The following RBFOX1 variants were observed in gnomAD, a reference collection of about 807,000 sequenced individuals.
RBFOX1 encodes the protein RNA binding fox-1 homolog 1.
RBFOX1 carries 8 observed loss-of-function variants against 57.7 expected under a neutral mutation model. That is an observed-to-expected ratio of 0.14 (90% confidence interval 0.08 to 0.25). RBFOX1 has a LOEUF of 0.25. Ranked by LOEUF, RBFOX1 falls within the 10% of genes least tolerant of loss-of-function variation. The pLI is 1.00. For synonymous variants in RBFOX1, 326 were observed against 222.4 expected, an observed-to-expected ratio of 1.47 and a Z score of -4.15; for missense variants, 611 against 548.5, an observed-to-expected ratio of 1.11 and a Z score of -1.14.
chr16:5,544,419 TAGAA>T (rs1354473591), intron 2 of RBFOX1, among the ~76,000 whole-genome samples: 1 of 152,180 alleles, frequency 6.6e-6, no homozygotes, highest in South Asian at 2.1e-4. Context: ...GGGATACTGT[TAGAA>T]AGGGAAATGT....
At chr16:7,099,610 C>G (rs1005337971) in intron 4 of RBFOX1, among the ~76,000 whole-genome samples, 5 of 152,092 alleles carry the variant, frequency 3.3e-5, no homozygotes, top group Non-Finnish European at 4.4e-5. Flanking sequence ...GTCCTGAGGA[C>G]ACGTGCCCAA....
At chr16:5,266,747 G>C (rs1000740776) in intron 1 of RBFOX1, among the ~76,000 whole-genome samples, 5 of 151,648 alleles carry the variant, frequency 3.3e-5, no homozygotes, top group Admixed American at 6.6e-5. Flanking sequence ...TGCAGAGAGG[G>C]GGGGTCTCAC....
chr16:6,407,361 C>G (rs1315046264), intron 2 of RBFOX1, among the ~76,000 whole-genome samples: 1 of 151,666 alleles, frequency 6.6e-6, no homozygotes, highest in East Asian at 1.9e-4. Flanking sequence ...ATGTATATAT[C>G]TATATCTATA....
At chr16:7,144,574 G>A (rs937559258) in intron 4 of RBFOX1, among the ~76,000 whole-genome samples, 1 of 151,760 alleles carries the variant, frequency 6.6e-6, no homozygotes, top group African/African-American at 2.4e-5. Flanking sequence ...ACATGCATGA[G>A]CTACTGCGCC....
chr16:7,683,198 T>G (rs2075303576), intron 14 of RBFOX1, among the ~76,000 whole-genome samples: 1 of 148,390 alleles, frequency 6.7e-6, no homozygotes, highest in Non-Finnish European at 1.5e-5. Context: ...CTTTTGATAG[T>G]AGAGTCACCG....
At chr16:7,244,987 C>A (rs577900900) in intron 4 of RBFOX1, among the ~76,000 whole-genome samples, 3 of 152,272 alleles carry the variant, frequency 2.0e-5, no homozygotes, top group Non-Finnish European at 4.4e-5. Flanking sequence ...TCATGCCTGC[C>A]TTCACAGTGC....
In RBFOX1 at chr16:7,659,132, T is replaced by C. The variant is rs549242393; in HGVS notation, c.890+5185T>C. 6.6e-5 allele frequency among the ~76,000 whole-genome samples: 10 copies of C among 152,358 alleles called. No homozygotes were observed. In the South Asian group the frequency reaches 1.9e-3, roughly 28 times the overall value. ...AGATTTTCTGCCCTTTCTCAGGTAA[T>C]TGTCATACATCTGTGTAAACTTCCC... On this transcript the variant is annotated intron_variant, in intron 12 of 15. Transcript: ENST00000550418.
At chr16:6,371,640 A>G (rs1158469177) in intron 2 of RBFOX1, among the ~76,000 whole-genome samples, 1 of 152,160 alleles carries the variant, frequency 6.6e-6, no homozygotes, top group Non-Finnish European at 1.5e-5. Flanking sequence ...TTTTCCACAG[A>G]GTAATCCTTC....
intron 1 of RBFOX1, among the ~76,000 whole-genome samples, chr16:5,273,701 G>C (rs1567265164): frequency 6.6e-6 from 1 of 152,048 alleles, no homozygotes; most frequent in Non-Finnish European, 1.5e-5. Context: ...GAGGGTCCCT[G>C]GGGCTGAGTC....
intron 2 of RBFOX1, among the ~76,000 whole-genome samples, chr16:5,497,502 C>T (rs7197296): frequency 0.23 from 35,577 of 151,754 alleles, 7,006 homozygotes; most frequent in African/African-American, 0.54. Context: ...TGGCCAGGCA[C>T]GGTGGCTCAT....
chr16:6,247,646 A>G (rs533621905), intron 1 of RBFOX1, among the ~76,000 whole-genome samples: 2 of 152,276 alleles, frequency 1.3e-5, no homozygotes, highest in African/African-American at 4.8e-5. Flanking sequence ...TCTGTATCAG[A>G]GATACAAACA....
At chr16:7,625,020 TG>T (rs1174051513) in intron 10 of RBFOX1, among the ~76,000 whole-genome samples, 3 of 152,118 alleles carry the variant, frequency 2.0e-5, no homozygotes, top group Non-Finnish European at 4.4e-5. Context: ...ACCTTGTGTG[TG>T]GCAGATAAGT....
chr16:5,392,174 G>C (rs368479452), intron 1 of RBFOX1, among the ~76,000 whole-genome samples: 58 of 151,990 alleles, frequency 3.8e-4, no homozygotes, highest in African/African-American at 1.3e-3. Context: ...CTACAAATTG[G>C]GTTCATTATG....
At chr16:6,254,277 G>A (rs1214516310) in intron 1 of RBFOX1, among the ~76,000 whole-genome samples, 23 of 152,202 alleles carry the variant, frequency 1.5e-4, no homozygotes, top group East Asian at 1.9e-4. Context: ...CAGGGAGAAC[G>A]TTTATCTCTC....
intron 3 of RBFOX1, among the ~76,000 whole-genome samples, chr16:5,747,320 A>G (rs1418561445): frequency 6.6e-6 from 1 of 152,180 alleles, no homozygotes; most frequent in Non-Finnish European, 1.5e-5. Flanking sequence ...ATCAATGTTC[A>G]TCAGGGATAT....
intron 1 of RBFOX1, among the ~76,000 whole-genome samples, chr16:6,262,231 G>A (rs910081131): frequency 2.0e-5 from 3 of 152,092 alleles, no homozygotes; most frequent in Non-Finnish European, 4.4e-5. Flanking sequence ...AGATGGGCAG[G>A]AAAGAGAATC....
intron 1 of RBFOX1, among the ~76,000 whole-genome samples, chr16:6,277,119 C>G (rs981831578): frequency 6.6e-6 from 1 of 152,058 alleles, no homozygotes; most frequent in African/African-American, 2.4e-5. Context: ...GCCGGAGGTT[C>G]AGAAAATAAT....
intron 3 of RBFOX1, among the ~76,000 whole-genome samples, chr16:6,913,556 G>T (rs1238706875): frequency 6.6e-6 from 1 of 152,150 alleles, no homozygotes; most frequent in Non-Finnish European, 1.5e-5. Context: ...GGTGTTCAGG[G>T]TGTCTTTTGA....
intron 3 of RBFOX1, among the ~76,000 whole-genome samples, chr16:5,736,313 C>G (rs997081921): frequency 6.6e-6 from 1 of 152,160 alleles, no homozygotes; most frequent in Non-Finnish European, 1.5e-5. Flanking sequence ...TCCTTTGTGT[C>G]AGAATCAGAT....
Sources: allele counts gnomAD v4.1 joint callset (sites outside exome capture counted in the v4.1 genomes callset), GRCh38; gene constraint gnomAD v4.1.1; transcripts MANE v1.5; gene names NCBI Gene and HGNC (gene_info 2026-07-23, HGNC 2026-07-21).